ARHGAP6: variants seen among roughly 807,000 people sequenced by gnomAD.
ARHGAP6 encodes the protein rho GTPase-activating protein 6.
In ARHGAP6, 16 loss-of-function variants were observed where a neutral mutation model predicts 55.7. The ratio of observed to expected loss-of-function variants is 0.29; its 90% confidence interval spans 0.19 to 0.44. The LOEUF (loss-of-function observed/expected upper bound fraction) is 0.44, where lower values mean the gene tolerates loss of function less well. Among genes scored for constraint, ARHGAP6 ranks in the 20% least tolerant of loss-of-function variants. ARHGAP6 has a pLI of 1.00. For missense variants in ARHGAP6, 698 were observed against 808.9 expected (o/e 0.86, Z 1.66); for synonymous variants, 382 against 360.9 (o/e 1.06, Z -0.66).
intron 1 of ARHGAP6, among the ~76,000 whole-genome samples, chrX:11,573,003 G>C (rs375306123): frequency 8.9e-6 from 1 of 111,825 alleles, no homozygotes; most frequent in Non-Finnish European, 1.9e-5. Context: ...AGAAGTGTCT[G>C]TTCATGTCCT....
At chrX:11,641,977 A>G (rs1029804336) in intron 1 of ARHGAP6, among the ~76,000 whole-genome samples, 3 of 111,934 alleles carry the variant, frequency 2.7e-5, no homozygotes, top group Non-Finnish European at 5.7e-5. Flanking sequence ...GCAAACATCC[A>G]GAGTTTTTCT....
intron 1 of ARHGAP6, among the ~76,000 whole-genome samples, chrX:11,465,751 T>C (rs2050286302): frequency 8.9e-6 from 1 of 112,004 alleles, no homozygotes; most frequent in Admixed American, 9.5e-5. Flanking sequence ...TCATTGCAAA[T>C]TATATTAAAT....
At chrX:11,545,507 T>C (rs970703748) in intron 1 of ARHGAP6, among the ~76,000 whole-genome samples, 1 of 112,229 alleles carries the variant, frequency 8.9e-6, no homozygotes, top group Non-Finnish European at 1.9e-5. Context: ...AAATAGCAGA[T>C]AAACTATGAC....
intron 2 of ARHGAP6, among the ~76,000 whole-genome samples, chrX:11,209,296 C>T (rs1230887427): frequency 1.8e-5 from 2 of 111,327 alleles, no homozygotes; most frequent in Non-Finnish European, 3.8e-5. Context: ...TGTGTGCCAC[C>T]ATGCCTGGCT....
intron 1 of ARHGAP6, among the ~76,000 whole-genome samples, chrX:11,594,735 C>T (rs5979426): frequency 0.18 from 20,112 of 111,253 alleles, 1,512 homozygotes; most frequent in African/African-American, 0.25. Context: ...TATGAAAAAA[C>T]TGTCTTCCAC....
intron 1 of ARHGAP6, among the ~76,000 whole-genome samples, chrX:11,508,519 A>G (rs2050755213): frequency 9.0e-6 from 1 of 110,978 alleles, no homozygotes; most frequent in South Asian, 3.8e-4. Context: ...TCCTAACTCC[A>G]TGCCACTAAG....
At chrX:11,518,465 T>TC (rs1320170039) in intron 1 of ARHGAP6, among the ~76,000 whole-genome samples, 2 of 78,433 alleles carry the variant, frequency 2.5e-5, no homozygotes, top group East Asian at 4.3e-4. Context: ...TTTTTTTCTT[T>TC]TTTTTTTTTT....
intron 2 of ARHGAP6, among the ~76,000 whole-genome samples, chrX:11,214,735 C>T (rs1287203799): frequency 8.8e-6 from 1 of 113,322 alleles, no homozygotes; most frequent in Non-Finnish European, 1.9e-5. Flanking sequence ...TGCACTGAGT[C>T]GACCAATCAG....
At chrX:11,595,184 G>C (rs1254257405) in intron 1 of ARHGAP6, among the ~76,000 whole-genome samples, 2 of 110,101 alleles carry the variant, frequency 1.8e-5, no homozygotes, top group Non-Finnish European at 3.8e-5. Flanking sequence ...CAGCAACTCG[G>C]GAGGCTGAGA....
intron 1 of ARHGAP6, among the ~76,000 whole-genome samples, chrX:11,525,456 C>T (rs777446149): frequency 1.8e-5 from 2 of 111,866 alleles, no homozygotes; most frequent in South Asian, 3.7e-4. Context: ...ATCATAGACA[C>T]TTGTTGGTGA....
intron 1 of ARHGAP6, among the ~76,000 whole-genome samples, chrX:11,407,676 C>A (rs2147760504): frequency 8.9e-6 from 1 of 111,773 alleles, no homozygotes; most frequent in Admixed American, 9.5e-5. Context: ...TTTTTTTCAT[C>A]ATTACTATCC....
At chrX:11,321,241 A>G (rs1002515080) in intron 1 of ARHGAP6, among the ~76,000 whole-genome samples, 8 of 111,935 alleles carry the variant, frequency 7.1e-5, no homozygotes, top group African/African-American at 2.6e-4. Context: ...TGGAAGCAAC[A>G]AAATAGAAGA....
chrX:11,588,768 G>A (rs2051767112), intron 1 of ARHGAP6, among the ~76,000 whole-genome samples: 1 of 111,729 alleles, frequency 9.0e-6, no homozygotes, highest in Non-Finnish European at 1.9e-5. Context: ...CTGAGGAGGA[G>A]AACGGAATGA....
chrX:11,248,235 G>A (rs1259966110), intron 2 of ARHGAP6, among the ~76,000 whole-genome samples: 1 of 111,414 alleles, frequency 9.0e-6, no homozygotes, highest in Non-Finnish European at 1.9e-5. Flanking sequence ...GCATTAGATA[G>A]TGCTTCAGTA....
intron 1 of ARHGAP6, among the ~76,000 whole-genome samples, chrX:11,339,361 C>G (rs2048676250): frequency 9.0e-6 from 1 of 111,034 alleles, no homozygotes; most frequent in Non-Finnish European, 1.9e-5. Flanking sequence ...GGAAGCCTTT[C>G]CTGACCCTCA....
chrX:11,497,559 TTCTCTCTC>T (rs34138329), intron 1 of ARHGAP6, among the ~76,000 whole-genome samples: 3 of 41,132 alleles, frequency 7.3e-5, no homozygotes, highest in African/African-American at 1.9e-4. Context: ...CCCTCCCTCC[TTCTCTCTC>T]TCTCTCTCTC....
intron 1 of ARHGAP6, chrX:11,294,854 A>T: frequency 8.3e-7 from 1 of 1,210,108 alleles, no homozygotes; most frequent in Non-Finnish European, 1.1e-6. Flanking sequence ...TGAGTAAAAC[A>T]CCCCTTGCAT....
intron 1 of ARHGAP6, among the ~76,000 whole-genome samples, chrX:11,258,834 T>C (rs2047523094): frequency 8.9e-6 from 1 of 111,814 alleles, no homozygotes; most frequent in South Asian, 3.8e-4. Flanking sequence ...TTTGTTTCCT[T>C]ATTTTTACTT....
At chrX:11,531,136 C>T (rs1168784676) in intron 1 of ARHGAP6, among the ~76,000 whole-genome samples, 1 of 111,120 alleles carries the variant, frequency 9.0e-6, no homozygotes, top group Non-Finnish European at 1.9e-5. Context: ...TGCCATCCTT[C>T]CAGGAGGCGG....
Sources: gnomAD v4.1 joint callset for allele counts (sites outside exome capture counted in the v4.1 genomes callset) on GRCh38, gnomAD v4.1.1 for gene constraint, MANE v1.5 for transcripts, NCBI Gene and HGNC (gene_info 2026-07-23, HGNC 2026-07-21) for gene names.